Variants in MAN2B2 observed in about 807,000 individuals in gnomAD.
The protein encoded by MAN2B2 is epididymis-specific alpha-mannosidase.
MAN2B2 carries 106 observed loss-of-function variants against 117.1 expected under a neutral mutation model. The observed-to-expected ratio is 0.90, with a 90% CI of 0.77 to 1.06. The LOEUF (loss-of-function observed/expected upper bound fraction) is 1.06, where lower values mean the gene tolerates loss of function less well. Ranked by LOEUF, MAN2B2 falls within the 50% of genes least tolerant of loss-of-function variation. MAN2B2 has a pLI of 0.00. For missense variants in MAN2B2, 1,326 were observed against 1,381.4 expected (o/e 0.96, Z 0.64); for synonymous variants, 544 against 595.1 (o/e 0.91, Z 1.25).
At position 6,610,870 on chromosome 4, in the gene MAN2B2, C is replaced by T. The variant is rs1226790423; in HGVS notation, c.2260-10C>T. The T allele has an allele frequency of 6.2e-7, 1 of 1,613,618 alleles. No individual in the cohort carries two copies. Among genetic ancestry groups the T allele is most frequent in the Non-Finnish European group, 8.5e-7 (1 of 1,179,516 alleles). ...CCCAATCGCCCACCTGGCGATGTTT[C>T]TGTCTGCAGAATTACTACCCCATGG... On this transcript the variant is annotated splice_polypyrimidine_tract_variant and intron_variant, in intron 13 of 18. Transcript: ENST00000285599.
In MAN2B2 at chr4:6,578,431, C is replaced by T. The variant is rs1020027259; in HGVS notation, c.324C>T (p.Val108=). 1.2e-6 allele frequency: 2 copies of T among 1,613,728 alleles called. No homozygotes were observed. The highest frequency in any genetic ancestry group is 1.7e-6 in the Non-Finnish European group (2 of 1,179,852). The change falls in exon 3 of 19, where the codon GTC becomes GTT. Residue 108 remains valine (V), a synonymous_variant. Coordinates refer to ENST00000285599, the MANE Select transcript of MAN2B2 (RefSeq NM_015274.3). The stretch of plus-strand genomic sequence containing the variant: ...TGGAGGAAGGACGCCTGGAATTTGT[C>T]ATCGGAGGCCAGGTCATGCATGACG... ...QLLEEGRLEF[V]IGGQVMHDEA... is the part of the protein sequence containing the mutation.
chr4:6,588,948 G>T (rs1313266580), intron 4 of MAN2B2, 97 bp from the exon 5 acceptor site: 2 of 819,962 alleles, frequency 2.4e-6, no homozygotes, highest in Non-Finnish European at 4.1e-6. Context: ...GAGGGCCAAG[G>T]TGAGGGCAGG....
Position 6,576,803 on chromosome 4 carries a change from AGCCAGG to A in MAN2B2, c.285+92_285+97del, listed in dbSNP as rs1209110761. ...GTGGAAAACTCAATGGGGCAGTTCT[AGCCAGG>A]GCCAGGGCCAGGCTGGCATAAACCA... On this transcript the variant is annotated intron_variant, in intron 2 of 18. Coordinates refer to ENST00000285599, the MANE Select transcript of MAN2B2 (RefSeq NM_015274.3). The A allele has an allele frequency of 7.9e-5, 123 of 1,556,950 alleles. No homozygotes were observed. In the East Asian group the frequency reaches 2.5e-3, roughly 32 times the overall value.
intron 4 of MAN2B2, 43 bp from the exon 5 acceptor site, chr4:6,589,002 G>A (rs768842268): frequency 1.4e-6 from 2 of 1,473,066 alleles, no homozygotes; most frequent in Non-Finnish European, 1.9e-6. Context: ...AGCTGGGGCA[G>A]CCATGTGGCC....
At chr4:6,611,753 C>T (rs536761700) in intron 15 of MAN2B2, among the ~76,000 whole-genome samples, 9 of 152,298 alleles carry the variant, frequency 5.9e-5, no homozygotes, top group Admixed American at 2.6e-4. Context: ...GAGATTGCAC[C>T]GTTGCACCCC....
intron 11 of MAN2B2, among the ~76,000 whole-genome samples, chr4:6,607,516 T>C (rs1192530163): frequency 1.3e-5 from 2 of 152,246 alleles, no homozygotes; most frequent in Admixed American, 6.5e-5. Context: ...ACAACCCACT[T>C]AGCATGTTTT....
chr4:6,614,268 C>G lies in MAN2B2; in HGVS notation c.2614C>G (p.Pro872Ala), dbSNP rs574673576. The change falls in exon 16 of 19, where the codon CCC becomes GCC. Residue 872 changes from proline (P) to alanine (A), a missense_variant. By Grantham distance (27) the Pro-to-Ala change is conservative (BLOSUM62 -1). Transcript: ENST00000285599. ...GPQQQEAVTL[P>A]PNLHLQILSI... ...CCAGCAGCAAGAGGCCGTGACGCTG[C>G]CCCCGAATCTTCACCTGCAGATCCT... 3.9e-5 allele frequency: 63 copies of G among 1,614,036 alleles called. No individual in the cohort carries two copies. The highest frequency in any genetic ancestry group is 1.7e-4 in the Admixed American group (10 of 59,998).
In MAN2B2 at chr4:6,609,798, G is replaced by C. The variant is rs1344200015; in HGVS notation, c.2007G>C (p.Arg669Ser). ...TTACTGATGCTCCCTTCTCCTCCAG[G>C]AACATGACAGCACAGAATTACACGT... ...LVTEIRQYFY[R>S]NMTAQNYTYA... Residue 669 changes from arginine (R) to serine (S), a missense_variant and splice_region_variant, in exon 13 of 19, where the codon AGG becomes AGC. Coordinates refer to ENST00000285599, the MANE Select transcript of MAN2B2 (RefSeq NM_015274.3). 1 of 1,612,546 alleles carries C rather than the reference G, an allele frequency of 6.2e-7. No individual in the cohort carries two copies.
intron 10 of MAN2B2, among the ~76,000 whole-genome samples, chr4:6,601,043 T>G (rs1305930670): frequency 6.6e-6 from 1 of 152,168 alleles, no homozygotes; most frequent in Non-Finnish European, 1.5e-5. Context: ...ACAAGACCCC[T>G]AATTTCAGAC....
chr4:6,587,185 G>GTC lies in MAN2B2; in HGVS notation c.564+19_564+20dup. The GTC allele has an allele frequency of 6.2e-7, 1 of 1,605,676 alleles. No individual in the cohort carries two copies. The highest frequency in any genetic ancestry group is 1.1e-5 in the South Asian group (1 of 90,650). ...GAGGCCCGGGTGAGTGGTGTGCCGC[G>GTC]TCTGCTGCCGCCCAGCGACCGCTCC... On this transcript the variant is annotated intron_variant, in intron 4 of 18. Coordinates refer to ENST00000285599, the MANE Select transcript of MAN2B2 (RefSeq NM_015274.3).
At chr4:6,613,389 G>T (rs772351192) in intron 15 of MAN2B2, among the ~76,000 whole-genome samples, 19 of 152,084 alleles carry the variant, frequency 1.2e-4, no homozygotes, top group Non-Finnish European at 2.6e-4. Context: ...AGGAGTTTAA[G>T]ACTAGCCTGT....
At chr4:6,597,429 G>A in intron 8 of MAN2B2, 126 bp downstream of exon 8, 1 of 1,070,036 alleles carries the variant, frequency 9.3e-7, no homozygotes, top group Non-Finnish European at 1.3e-6. Flanking sequence ...AGGGGAAACT[G>A]AGGTTCCCTT....
chr4:6,581,009 G>T (rs1726407955), intron 3 of MAN2B2, among the ~76,000 whole-genome samples: 1 of 152,198 alleles, frequency 6.6e-6, no homozygotes, highest in Non-Finnish European at 1.5e-5. Flanking sequence ...AAGCTCATGG[G>T]GCCCTCAGGG....
chr4:6,619,712 C>T (rs1161460514), intron 17 of MAN2B2: 7 of 511,516 alleles, frequency 1.4e-5, no homozygotes, highest in South Asian at 6.5e-5. Context: ...ATGCACCTCC[C>T]GCTTCAGTGT....
chr4:6,582,994 G>T (rs2108860431), intron 3 of MAN2B2, among the ~76,000 whole-genome samples: 1 of 152,326 alleles, frequency 6.6e-6, no homozygotes, highest in South Asian at 2.1e-4. Flanking sequence ...AGTCTGCAGT[G>T]CAGGCCACTC....
chr4:6,597,060 G>A (rs1727123636), intron 7 of MAN2B2, 53 bp from the exon 8 acceptor site: 3 of 1,537,598 alleles, frequency 2.0e-6, no homozygotes, highest in Admixed American at 3.6e-5. Context: ...CTGGAGCTTA[G>A]CAGACTTCTG....
At position 6,597,161 on chromosome 4, in the gene MAN2B2, A is replaced by C; in HGVS notation, c.1106A>C (p.Lys369Thr). Reference sequence around the variant, plus strand: ...TTCTACACGTCCCGCAGCTCACTGAAGGGGCTGGCCCGGCGAGCCAGCGCC... The same window carrying C: ...TTCTACACGTCCCGCAGCTCACTGACGGGGCTGGCCCGGCGAGCCAGCGCC... ...TGFYTSRSSL[K>T]GLARRASALL... The change falls in exon 8 of 19, where the codon AAG becomes ACG. Residue 369 changes from lysine to threonine, a missense_variant. Physicochemically the swap from Lys to Thr is moderately conservative, Grantham distance 78. Transcript: ENST00000285599. The C allele has an allele frequency of 6.2e-7, 1 of 1,613,094 alleles. No homozygotes were observed. The highest frequency in any genetic ancestry group is 8.5e-7 in the Non-Finnish European group (1 of 1,179,854).
intron 14 of MAN2B2, 30 bp from the exon 15 acceptor site, chr4:6,611,056 C>A (rs1210121586): frequency 3.1e-6 from 5 of 1,611,692 alleles, no homozygotes; most frequent in South Asian, 2.2e-5. Flanking sequence ...CAGGTGCAAG[C>A]CGGGCCTCTC....
chr4:6,599,789 C>T (rs1727253930), intron 9 of MAN2B2, among the ~76,000 whole-genome samples: 1 of 152,242 alleles, frequency 6.6e-6, no homozygotes, highest in Non-Finnish European at 1.5e-5. Context: ...CCCTTCCCCT[C>T]CCATCTCTGT....
Sources: allele counts gnomAD v4.1 joint callset (sites outside exome capture counted in the v4.1 genomes callset), GRCh38; gene constraint gnomAD v4.1.1; transcripts MANE v1.5; gene names NCBI Gene and HGNC (gene_info 2026-07-23, HGNC 2026-07-21).